HHAT: variants seen among roughly 807,000 people sequenced by gnomAD.
HHAT encodes the protein protein-cysteine N-palmitoyltransferase HHAT.
In HHAT, 47 loss-of-function variants were observed where a neutral mutation model predicts 70.8. That is an observed-to-expected ratio of 0.66 (90% confidence interval 0.53 to 0.85). The LOEUF (loss-of-function observed/expected upper bound fraction) is 0.85. HHAT is among the 40% of genes least tolerant of loss of function. HHAT has a pLI of 0.00. For synonymous variants in HHAT, 228 were observed against 247.6 expected (o/e 0.92, Z 0.74); for missense variants, 609 against 604.8 (o/e 1.01, Z -0.07).
intron 8 of HHAT, among the ~76,000 whole-genome samples, chr1:210,509,480 T>G (rs2094917921): frequency 6.6e-6 from 1 of 152,174 alleles, no homozygotes; most frequent in Non-Finnish European, 1.5e-5. Context: ...ATGGAGACTG[T>G]CTGGGCTCAG....
chr1:210,391,702 A>G (rs770369005), intron 4 of HHAT, among the ~76,000 whole-genome samples: 2 of 152,230 alleles, frequency 1.3e-5, no homozygotes, highest in Non-Finnish European at 2.9e-5. Context: ...ATAACATTCT[A>G]TGCTTTCTAG....
chr1:210,465,663 A>G (rs2094085203), intron 8 of HHAT, among the ~76,000 whole-genome samples: 1 of 152,224 alleles, frequency 6.6e-6, no homozygotes, highest in South Asian at 2.1e-4. Flanking sequence ...AAACCAAGAC[A>G]CAGGTAGGGG....
chr1:210,659,781 T>G (rs1367004697), intron 11 of HHAT, among the ~76,000 whole-genome samples: 1 of 152,198 alleles, frequency 6.6e-6, no homozygotes, highest in African/African-American at 2.4e-5. Flanking sequence ...AATCAATAAA[T>G]GTAATCCAGC....
chr1:210,445,469 T>A (rs2148374687), intron 7 of HHAT, among the ~76,000 whole-genome samples: 1 of 152,362 alleles, frequency 6.6e-6, no homozygotes, highest in South Asian at 2.1e-4. Context: ...TTTTAAGGTA[T>A]TCCTTTCTAT....
chr1:210,380,763 G>C (rs542465898), intron 3 of HHAT, among the ~76,000 whole-genome samples: 5 of 152,146 alleles, frequency 3.3e-5, no homozygotes, highest in Admixed American at 2.6e-4. Flanking sequence ...TTTCCAAATA[G>C]AGGGAGCAAA....
chr1:210,363,639 T>C (rs1111020), intron 3 of HHAT, among the ~76,000 whole-genome samples: 101,073 of 152,032 alleles, frequency 0.66, 34,631 homozygotes, highest in African/African-American at 0.81. Context: ...ATTTCAGCTA[T>C]GACTTGGACT....
At chr1:210,480,736 C>T (rs896572780) in intron 8 of HHAT, among the ~76,000 whole-genome samples, 3 of 152,182 alleles carry the variant, frequency 2.0e-5, no homozygotes, top group African/African-American at 7.2e-5. Flanking sequence ...CCCCATCCAG[C>T]CTCTGCTTCC....
chr1:210,513,670 G>A (rs1558064937), intron 9 of HHAT, among the ~76,000 whole-genome samples: 1 of 152,124 alleles, frequency 6.6e-6, no homozygotes, highest in Non-Finnish European at 1.5e-5. Flanking sequence ...TTGGCTTATG[G>A]GACATATTAA....
intron 7 of HHAT, among the ~76,000 whole-genome samples, chr1:210,433,363 T>C (rs1407477383): frequency 1.3e-5 from 2 of 151,686 alleles, no homozygotes; most frequent in Non-Finnish European, 2.9e-5. Flanking sequence ...TCCAGATGAG[T>C]GATTGATACA....
At chr1:210,657,974 T>A (rs1676807049) in intron 11 of HHAT, among the ~76,000 whole-genome samples, 1 of 152,206 alleles carries the variant, frequency 6.6e-6, no homozygotes, top group African/African-American at 2.4e-5. Flanking sequence ...CAACTATTAT[T>A]TTTAATGGCC....
chr1:210,366,412 T>C (rs367777508), intron 3 of HHAT, among the ~76,000 whole-genome samples: 4 of 152,086 alleles, frequency 2.6e-5, no homozygotes, highest in Admixed American at 6.5e-5. Flanking sequence ...CCAGCGATCA[T>C]TGAGGTCAGG....
intron 5 of HHAT, among the ~76,000 whole-genome samples, chr1:210,402,179 G>GCT (rs1224284728): frequency 6.6e-6 from 1 of 152,088 alleles, no homozygotes; most frequent in East Asian, 1.9e-4. Flanking sequence ...CAAGGCCCCA[G>GCT]CTCCAGGGTC....
At chr1:210,513,020 C>A (rs2094986750) in intron 8 of HHAT, 133 bp from the exon 9 acceptor site, 1 of 582,938 alleles carries the variant, frequency 1.7e-6, no homozygotes, top group South Asian at 2.1e-5. Flanking sequence ...CCAGCAGCCA[C>A]ATCTTGAGAA....
intron 7 of HHAT, among the ~76,000 whole-genome samples, chr1:210,459,456 G>A (rs79247093): frequency 0.02 from 3,010 of 152,242 alleles, 45 homozygotes; most frequent in Middle Eastern, 0.037. Context: ...TGATCTTAAG[G>A]AACCTACGGT....
intron 8 of HHAT, among the ~76,000 whole-genome samples, chr1:210,512,075 G>C (rs1013935417): frequency 2.0e-5 from 3 of 152,166 alleles, no homozygotes; most frequent in Non-Finnish European, 4.4e-5. Flanking sequence ...CAGTTTCGTG[G>C]TGTCAGGAAA....
intron 9 of HHAT, among the ~76,000 whole-genome samples, chr1:210,537,084 T>G (rs2095380710): frequency 6.6e-6 from 1 of 151,610 alleles, no homozygotes; most frequent in East Asian, 1.9e-4. Flanking sequence ...CTATTGCCTC[T>G]GATACATCCT....
intron 1 of HHAT, among the ~76,000 whole-genome samples, chr1:210,343,492 A>T (rs946396053): frequency 6.6e-6 from 1 of 152,062 alleles, no homozygotes; most frequent in Non-Finnish European, 1.5e-5. Context: ...TTGAAAAGAG[A>T]GTGTGTGAGG....
chr1:210,419,344 A>G (rs1033287463), intron 7 of HHAT, among the ~76,000 whole-genome samples: 9 of 152,194 alleles, frequency 5.9e-5, no homozygotes, highest in African/African-American at 2.2e-4. Context: ...CTTCCTCAGC[A>G]GGGCTAGTCT....
intron 7 of HHAT, among the ~76,000 whole-genome samples, chr1:210,451,138 T>A (rs2093749099): frequency 6.6e-6 from 1 of 151,994 alleles, no homozygotes; most frequent in Non-Finnish European, 1.5e-5. Context: ...GTGGAAGTAT[T>A]TTTAGCAGAA....
Sources: gnomAD v4.1 joint callset for allele counts (sites outside exome capture counted in the v4.1 genomes callset) on GRCh38, gnomAD v4.1.1 for gene constraint, MANE v1.5 for transcripts, NCBI Gene and HGNC (gene_info 2026-07-23, HGNC 2026-07-21) for gene names.